C12orf42: variants seen among roughly 807,000 people sequenced by gnomAD.
C12orf42 encodes uncharacterized protein C12orf42.
Under a neutral mutation model 21.6 loss-of-function variants are expected in C12orf42, and 25 were observed. That is an observed-to-expected ratio of 1.16 (90% CI 0.84 to 1.62). The LOEUF (loss-of-function observed/expected upper bound fraction) is 1.62, where lower values mean the gene tolerates loss of function less well. C12orf42 is among the 40% of genes most tolerant of loss of function. The pLI, the probability that C12orf42 is intolerant of heterozygous loss-of-function variation, is 0.00. For missense variants in C12orf42, 483 were observed against 459.3 expected (o/e 1.05, Z -0.47); for synonymous variants, 174 against 175.0 (o/e 0.99, Z 0.05).
chr12:103,127,311 T>C, the C12orf42 span, among the ~76,000 whole-genome samples: 1 of 152,246 alleles, frequency 6.6e-6, no homozygotes, highest in Non-Finnish European at 1.5e-5. Flanking sequence ...GGTATGGGAT[T>C]AAAATGCAGT....
At chr12:103,527,865 TC>T in the C12orf42 span, among the ~76,000 whole-genome samples, 2 of 152,218 alleles carry the variant, frequency 1.3e-5, no homozygotes, top group Non-Finnish European at 2.9e-5. Flanking sequence ...GCAAATATCA[TC>T]TCTGTTCTTT....
intron 4 of C12orf42, among the ~76,000 whole-genome samples, chr12:103,289,486 A>G (rs1004875959): frequency 6.6e-6 from 1 of 152,198 alleles, no homozygotes; most frequent in African/African-American, 2.4e-5. Flanking sequence ...AGGAGCAGAT[A>G]ACAATTATAC....
At chr12:103,511,408 T>C in the C12orf42 span, among the ~76,000 whole-genome samples, 3 of 151,058 alleles carry the variant, frequency 2.0e-5, no homozygotes, top group African/African-American at 4.9e-5. Flanking sequence ...AATTACAGCA[T>C]AAAATACATG....
the C12orf42 span, among the ~76,000 whole-genome samples, chr12:103,210,183 A>G: frequency 6.6e-6 from 1 of 152,142 alleles, no homozygotes; most frequent in Non-Finnish European, 1.5e-5. Flanking sequence ...ATTCCAAATT[A>G]TAATTCTATC....
At position 103,302,529 on chromosome 12, in the gene C12orf42, C is replaced by T; in HGVS notation, c.662G>A (p.Gly221Asp). The T allele has an allele frequency of 6.2e-7, 1 of 1,610,756 alleles. No individual in the cohort carries two copies. The highest frequency in any genetic ancestry group is 8.5e-7 in the Non-Finnish European group (1 of 1,178,544). ...GSAARPSTAI[G>D]LCRRSQTPGA... ...GGGCGTCTGGCTCCTCCTGCAGAGG[C>T]CGATGGCAGTGGAAGGTCTGGCGGC... Residue 221 changes from glycine to aspartate, a missense_variant, in exon 6 of 6, where the codon GGC (glycine) becomes GAC (aspartate). Physicochemically the swap from Gly to Asp is moderately conservative, Grantham distance 94. Transcript: ENST00000548883.
At chr12:103,391,857 C>A (rs925830885) in intron 3 of C12orf42, among the ~76,000 whole-genome samples, 4 of 151,896 alleles carry the variant, frequency 2.6e-5, no homozygotes, top group Non-Finnish European at 4.4e-5. Context: ...TCTATATTTT[C>A]TTTTTTTACC....
intron 10 of C12orf42, among the ~76,000 whole-genome samples, chr12:103,241,554 G>T (rs1303943794): frequency 2.6e-5 from 4 of 152,304 alleles, no homozygotes; most frequent in Admixed American, 2.6e-4. Flanking sequence ...CACAGCCATA[G>T]CTTTGATCTT....
the C12orf42 span, among the ~76,000 whole-genome samples, chr12:103,223,273 A>T: frequency 1.1e-4 from 17 of 152,264 alleles, no homozygotes; most frequent in African/African-American, 4.1e-4. Flanking sequence ...GTGGGAACCT[A>T]GAGTGGGAGA....
chr12:103,154,927 T>G, the C12orf42 span, among the ~76,000 whole-genome samples: 1 of 152,200 alleles, frequency 6.6e-6, no homozygotes, highest in East Asian at 1.9e-4. Context: ...GTGTCTGGAA[T>G]AAAATTCACC....
At chr12:103,105,508 T>A in the C12orf42 span, among the ~76,000 whole-genome samples, 1 of 152,086 alleles carries the variant, frequency 6.6e-6, no homozygotes, top group African/African-American at 2.4e-5. Context: ...AGAGGGTCCA[T>A]GGGAAAGGTT....
chr12:103,459,439 GTTGTT>G (rs752540296), intron 2 of C12orf42, among the ~76,000 whole-genome samples: 2 of 151,978 alleles, frequency 1.3e-5, no homozygotes, highest in African/African-American at 4.8e-5. Context: ...CGGAGACCTG[GTTGTT>G]TTAAGTGTGT....
intron 4 of C12orf42, among the ~76,000 whole-genome samples, chr12:103,318,093 G>C (rs1015526994): frequency 1.1e-4 from 17 of 152,082 alleles, no homozygotes; most frequent in Non-Finnish European, 1.5e-4. Context: ...CTTGAGGCCA[G>C]CCTGAGCAAC....
chr12:103,517,745 G>A, the C12orf42 span, among the ~76,000 whole-genome samples: 4 of 151,886 alleles, frequency 2.6e-5, no homozygotes, highest in Non-Finnish European at 5.9e-5. Context: ...ATGTTTCTCT[G>A]TTATCAACCT....
intron 2 of C12orf42, among the ~76,000 whole-genome samples, chr12:103,440,131 C>A (rs1259609676): frequency 1.4e-5 from 2 of 143,996 alleles, no homozygotes; most frequent in Non-Finnish European, 3.0e-5. Flanking sequence ...AATTGGAAAT[C>A]ATCATTCTCA....
chr12:103,453,060 A>C (rs1257952372), intron 2 of C12orf42, among the ~76,000 whole-genome samples: 1 of 151,878 alleles, frequency 6.6e-6, no homozygotes, highest in Non-Finnish European at 1.5e-5. Context: ...TTTTGCAATC[A>C]ATTTGATAAT....
chr12:103,472,334 G>C (rs928588661), intron 2 of C12orf42, among the ~76,000 whole-genome samples: 1 of 152,014 alleles, frequency 6.6e-6, no homozygotes, highest in South Asian at 2.1e-4. Context: ...AATTACAGGC[G>C]TGAGCCACCG....
chr12:103,360,694 C>T (rs541098372), intron 4 of C12orf42, among the ~76,000 whole-genome samples: 1 of 151,516 alleles, frequency 6.6e-6, no homozygotes, highest in Non-Finnish European at 1.5e-5. Context: ...TATTGAGTTA[C>T]CACAGTAGGC....
chr12:103,434,559 C>T (rs977522766), intron 2 of C12orf42, among the ~76,000 whole-genome samples: 1 of 152,100 alleles, frequency 6.6e-6, no homozygotes, highest in African/African-American at 2.4e-5. Context: ...ATGCACGAGC[C>T]GAAGCAGGGC....
the C12orf42 span, among the ~76,000 whole-genome samples, chr12:103,182,614 C>T: frequency 6.6e-6 from 1 of 152,162 alleles, no homozygotes; most frequent in Non-Finnish European, 1.5e-5. Flanking sequence ...AGGGGTTTTA[C>T]TAATACCCTA....
Sources: gnomAD v4.1 joint callset for allele counts (sites outside exome capture counted in the v4.1 genomes callset) on GRCh38, gnomAD v4.1.1 for gene constraint, MANE v1.5 for transcripts, NCBI Gene and HGNC (gene_info 2026-07-23, HGNC 2026-07-21) for gene names.